Variants in NCKAP1 observed in about 807,000 individuals in gnomAD.
NCKAP1 encodes nck-associated protein 1.
Under a neutral mutation model 151.2 loss-of-function variants are expected in NCKAP1, and 21 were observed. The observed-to-expected ratio is 0.14, with a 90% CI of 0.10 to 0.20. The LOEUF (loss-of-function observed/expected upper bound fraction) is 0.20. Ranked by LOEUF, NCKAP1 falls within the 10% of genes least tolerant of loss-of-function variation. The pLI, the probability that NCKAP1 is intolerant of heterozygous loss-of-function variation, is 1.00. For missense variants in NCKAP1, 933 were observed against 1,352.1 expected, an observed-to-expected ratio of 0.69 and a Z score of 4.86; for synonymous variants, 484 against 451.8, an observed-to-expected ratio of 1.07 and a Z score of -0.90.
In NCKAP1 at chr2:182,929,330, T is replaced by C. The variant is rs972150563; in HGVS notation, c.2954-431A>G. Among the ~76,000 whole-genome samples, 75 of 152,090 alleles carry C rather than the reference T, an allele frequency of 4.9e-4. 1 individual carries two copies. Among genetic ancestry groups the C allele is most frequent in the African/African-American group, 1.7e-3 (72 of 41,566 alleles). On this transcript the variant is annotated intron_variant, in intron 27 of 30. Coordinates refer to ENST00000361354, the MANE Select transcript of NCKAP1 (RefSeq NM_013436.5). ...TGCAAAATCACCAAAAAAATCTTAA[T>C]TACTTTTTGAAAGAGATATGAATAT...
chr2:183,012,477 T>G (rs1020580367), intron 2 of NCKAP1, among the ~76,000 whole-genome samples: 1 of 152,218 alleles, frequency 6.6e-6, no homozygotes, highest in Non-Finnish European at 1.5e-5. Flanking sequence ...TTGGGAGATT[T>G]GGAGACAAAG....
Position 182,956,401 on chromosome 2 carries a change from T to C in NCKAP1, c.2153+61A>G. 5 of 1,544,900 alleles carry C rather than the reference T, an allele frequency of 3.2e-6. No individual in the cohort carries two copies. The South Asian group carries it at 3.5e-5, about 11-fold the overall frequency. On this transcript the variant is annotated intron_variant, in intron 20 of 30. Coordinates refer to ENST00000361354, the MANE Select transcript of NCKAP1 (RefSeq NM_013436.5). ...ATGCTTTTCCTTATAAAACACTGTATAATTAAATAACAAACTCATTACTGA... is the reference window on the plus strand; with the variant it reads ...ATGCTTTTCCTTATAAAACACTGTACAATTAAATAACAAACTCATTACTGA...
Position 182,919,586 on chromosome 2 carries a change from T to C in NCKAP1, c.*6116A>G, listed in dbSNP as rs532584933. 6.6e-6 allele frequency: 1 copy of C among 152,286 alleles called. No individual in the cohort carries two copies. Among genetic ancestry groups the C allele is most frequent in the African/African-American group, 2.4e-5 (1 of 41,572 alleles). 9.4% of individuals were successfully genotyped at this position (152,286 alleles called of 1,614,324 possible). A position where few individuals can be genotyped will look rare whatever the true frequency, so the allele number is the denominator to read the frequency against. ...AGTGAAACTCATGTGTTTTATACAT[T>C]GAATGCTATCAGTTCAAGGGTGAAT... On this transcript the variant is annotated 3_prime_UTR_variant, in exon 31 of 31. Coordinates refer to ENST00000361354, the MANE Select transcript of NCKAP1 (RefSeq NM_013436.5).
At chr2:183,000,241 A>G (rs1698351812) in intron 6 of NCKAP1, among the ~76,000 whole-genome samples, 1 of 152,234 alleles carries the variant, frequency 6.6e-6, no homozygotes, top group Non-Finnish European at 1.5e-5. Context: ...AGATTGGAAA[A>G]TAAGTGGTCT....
intron 2 of NCKAP1, 30 bp downstream of exon 2, chr2:183,023,776 T>C: frequency 6.5e-7 from 1 of 1,536,220 alleles, no homozygotes; most frequent in Non-Finnish European, 9.0e-7. Flanking sequence ...ATGCTTAAAA[T>C]TAAGCAATAG....
At chr2:182,939,411 C>T (rs1309550016) in intron 24 of NCKAP1, among the ~76,000 whole-genome samples, 1 of 151,986 alleles carries the variant, frequency 6.6e-6, no homozygotes, top group Non-Finnish European at 1.5e-5. Flanking sequence ...TGCCTGTAGT[C>T]CTAGTTACTT....
chr2:182,954,403 T>C (rs1697281882), intron 20 of NCKAP1, among the ~76,000 whole-genome samples: 1 of 152,170 alleles, frequency 6.6e-6, no homozygotes, highest in Admixed American at 6.5e-5. Flanking sequence ...ATTAGATCTG[T>C]AAAGATCTTA....
intron 29 of NCKAP1, 45 bp from the exon 30 acceptor site, chr2:182,926,950 T>G (rs762741101): frequency 3.8e-5 from 50 of 1,307,540 alleles, no homozygotes; most frequent in Admixed American, 2.0e-4. Flanking sequence ...TAATAAAAGG[T>G]TCATCGGTTA....
At chr2:182,996,140 AG>A (rs1698263679) in intron 6 of NCKAP1, among the ~76,000 whole-genome samples, 1 of 152,264 alleles carries the variant, frequency 6.6e-6, no homozygotes, top group Admixed American at 6.5e-5. Flanking sequence ...CAAAAGGGAT[AG>A]ACAGCCCACT....
intron 8 of NCKAP1, among the ~76,000 whole-genome samples, chr2:182,992,119 T>C (rs1369629417): frequency 1.3e-5 from 2 of 152,190 alleles, no homozygotes; most frequent in East Asian, 1.9e-4. Flanking sequence ...TTCCTAGGTG[T>C]TGCTGATGTT....
intron 8 of NCKAP1, among the ~76,000 whole-genome samples, chr2:182,990,919 C>G (rs1392139164): frequency 6.6e-6 from 1 of 152,130 alleles, no homozygotes; most frequent in Non-Finnish European, 1.5e-5. Context: ...ATTTTTCATA[C>G]AACAGGGCCC....
intron 2 of NCKAP1, among the ~76,000 whole-genome samples, chr2:183,018,500 G>A (rs1020299500): frequency 6.6e-6 from 1 of 152,080 alleles, no homozygotes; most frequent in African/African-American, 2.4e-5. Context: ...CACAGTGCAT[G>A]CATGTGTCAA....
intron 7 of NCKAP1, 29 bp downstream of exon 7, chr2:182,995,672 T>G (rs1365503233): frequency 6.3e-7 from 1 of 1,589,510 alleles, no homozygotes; most frequent in Non-Finnish European, 8.6e-7. Context: ...CACTTTATTT[T>G]CATTCAAAAG....
intron 24 of NCKAP1, among the ~76,000 whole-genome samples, chr2:182,939,657 A>G (rs1696954528): frequency 6.6e-6 from 1 of 152,156 alleles, no homozygotes; most frequent in Admixed American, 6.5e-5. Context: ...GTGCTTGTTG[A>G]CTGTGAAAAA....
At chr2:182,942,304 G>A (rs909037335) in intron 23 of NCKAP1, 141 bp from the exon 24 acceptor site, 103 of 536,596 alleles carry the variant, frequency 1.9e-4, no homozygotes, top group African/African-American at 1.6e-3. Context: ...ATATTTTTTT[G>A]TTGTTTCAAT....
intron 23 of NCKAP1, among the ~76,000 whole-genome samples, chr2:182,945,162 G>A (rs1168355887): frequency 1.3e-5 from 2 of 152,092 alleles, no homozygotes; most frequent in Middle Eastern, 3.2e-3. Flanking sequence ...CTGAACCCGG[G>A]AGGCAGAGGT....
At chr2:182,970,499 T>TA (rs1697664829) in intron 15 of NCKAP1, among the ~76,000 whole-genome samples, 1 of 152,142 alleles carries the variant, frequency 6.6e-6, no homozygotes, top group Non-Finnish European at 1.5e-5. Context: ...ATGCATTCAA[T>TA]AAAATTCAAC....
At chr2:182,929,455 G>T (rs1696714813) in intron 27 of NCKAP1, among the ~76,000 whole-genome samples, 1 of 151,608 alleles carries the variant, frequency 6.6e-6, no homozygotes, top group Admixed American at 6.6e-5. Flanking sequence ...ATGAATAAAA[G>T]AAGACAGAAG....
At chr2:182,976,980 A>G in intron 14 of NCKAP1, 29 bp from the exon 15 acceptor site, 2 of 1,403,802 alleles carry the variant, frequency 1.4e-6, no homozygotes, top group Admixed American at 2.4e-5. Flanking sequence ...AAAAAAGATT[A>G]CAAAGCAAAT....
Sources: gnomAD v4.1 joint callset for allele counts (sites outside exome capture counted in the v4.1 genomes callset) on GRCh38, gnomAD v4.1.1 for gene constraint, MANE v1.5 for transcripts, NCBI Gene and HGNC (gene_info 2026-07-23, HGNC 2026-07-21) for gene names.